The following APOBEC1 variants were observed in gnomAD, a reference collection of about 807,000 sequenced individuals.
APOBEC1 encodes apolipoprotein B mRNA editing enzyme catalytic subunit 1, also known as C->U-editing enzyme APOBEC-1.
Under a neutral mutation model 26.3 loss-of-function variants are expected in APOBEC1, and 22 were observed. That is an observed-to-expected ratio of 0.84 (90% CI 0.60 to 1.19). The LOEUF (loss-of-function observed/expected upper bound fraction) is 1.19. Ranked by LOEUF, APOBEC1 falls within the 50% of genes most tolerant of loss-of-function variation. The pLI is 0.00. For missense variants in APOBEC1, 253 were observed against 289.0 expected (o/e 0.88, Z 0.90); for synonymous variants, 77 against 95.3 (o/e 0.81, Z 1.12).
chr12:7,662,349 A>C (rs867004293), intron 1 of APOBEC1, among the ~76,000 whole-genome samples: 6 of 152,154 alleles, frequency 3.9e-5, no homozygotes, highest in African/African-American at 1.4e-4. Context: ...TTGGGAGGCC[A>C]AGGCGGGTGG....
At chr12:7,662,895 G>A (rs1425754409) in intron 1 of APOBEC1, among the ~76,000 whole-genome samples, 1 of 152,144 alleles carries the variant, frequency 6.6e-6, no homozygotes, top group Non-Finnish European at 1.5e-5. Context: ...GCAATGGAGG[G>A]GGTAAGCCAC....
chr12:7,665,035 C>T (rs1012054372), intron 1 of APOBEC1, among the ~76,000 whole-genome samples: 4 of 152,252 alleles, frequency 2.6e-5, no homozygotes, highest in East Asian at 1.9e-4. Context: ...TGAACCCACC[C>T]GCTAGTCTCT....
chr12:7,664,608 T>G (rs1863866437), intron 1 of APOBEC1, among the ~76,000 whole-genome samples: 1 of 152,216 alleles, frequency 6.6e-6, no homozygotes, highest in African/African-American at 2.4e-5. Flanking sequence ...CTCCTCTTCT[T>G]TGTCGATCCA....
intron 1 of APOBEC1, among the ~76,000 whole-genome samples, chr12:7,663,219 G>T (rs1863844891): frequency 6.6e-6 from 1 of 152,172 alleles, no homozygotes; most frequent in Non-Finnish European, 1.5e-5. Flanking sequence ...CCTAGGCTGT[G>T]TGTGTACCTG....
chr12:7,651,664 A>G (rs912418024), intron 3 of APOBEC1, among the ~76,000 whole-genome samples: 139 of 151,264 alleles, frequency 9.2e-4, no homozygotes, highest in Non-Finnish European at 1.3e-3. Context: ...GTTTTTTGAT[A>G]CAGGGTTTCG....
intron 1 of APOBEC1, among the ~76,000 whole-genome samples, chr12:7,657,577 T>TTA (rs1555094304): frequency 1.3e-5 from 2 of 150,220 alleles, no homozygotes; most frequent in African/African-American, 2.4e-5. Context: ...AAAACAAAAT[T>TTA]AAAAAACAAA....
At chr12:7,666,043 T>C, upstream of APOBEC1, 2 of 733,492 alleles carry the variant, frequency 2.7e-6, no homozygotes, top group South Asian at 1.5e-5. Context: ...GGGGGCCGAC[T>C]GAGAGGGACA....
At chr12:7,661,421 A>G (rs1159946817) in intron 1 of APOBEC1, among the ~76,000 whole-genome samples, 1 of 152,122 alleles carries the variant, frequency 6.6e-6, no homozygotes, top group African/African-American at 2.4e-5. Flanking sequence ...AATAAAAATT[A>G]TAATTAAAAA....
chr12:7,665,099 G>A (rs1278638073), intron 1 of APOBEC1, among the ~76,000 whole-genome samples: 1 of 152,082 alleles, frequency 6.6e-6, no homozygotes, highest in African/African-American at 2.4e-5. Flanking sequence ...TTAGAATCCA[G>A]CTCAAATCCT....
At position 7,657,043 on chromosome 12, in the gene APOBEC1, CGTGTGTGTGTGTGT is replaced by C. The variant is rs6144603; in HGVS notation, c.17-2425_17-2412del. Among the ~76,000 whole-genome samples the C allele has an allele frequency of 6.5e-3, 962 of 148,390 alleles. 5 individuals are homozygous for C. The highest frequency in any genetic ancestry group is 0.017 in the South Asian group (79 of 4,632). Reference sequence around the variant, plus strand: ...TTGGTGTCCTAGTGTGTTGTATATACGTGTGTGTGTGTGTGTGTGTGTGTGTGTGTGTGTGTGTA... The same window carrying C: ...TTGGTGTCCTAGTGTGTTGTATATACGTGTGTGTGTGTGTGTGTGTGTGTA... On this transcript the variant is annotated intron_variant, in intron 1 of 4. Transcript: ENST00000229304.
rs751682249 is a variant in APOBEC1, at chr12:7,661,277, G to A, written c.16+4580C>T. ...TCCAAAAGGACTGAGGGAGGGAGAG[G>A]GGAAAGAGCTGAAAAACTTCCCATT... On this transcript the variant is annotated intron_variant, in intron 1 of 4. Coordinates refer to ENST00000229304, the MANE Select transcript of APOBEC1 (RefSeq NM_001644.5). Among the ~76,000 whole-genome samples the A allele has an allele frequency of 2.0e-5, 3 of 151,354 alleles. No homozygotes were observed. The South Asian group carries it at 6.3e-4, about 32-fold the overall frequency.
chr12:7,660,399 A>AGAAC lies in APOBEC1; in HGVS notation c.16+5457_16+5458insGTTC, dbSNP rs1565442478. ...AGGAAAGAAAGAAAGAAAGAAAGAA[A>AGAAC]GAAAGAAAGAAAGAGAGGGTATTTG... On this transcript the variant is annotated intron_variant, in intron 1 of 4. Coordinates refer to ENST00000229304, the MANE Select transcript of APOBEC1 (RefSeq NM_001644.5). 4.6e-4 allele frequency among the ~76,000 whole-genome samples: 50 copies of AGAAC among 107,660 alleles called. 1 individual carries two copies. The highest frequency in any genetic ancestry group is 1.7e-3 in the African/African-American group (49 of 28,114). The allele number at this position is 107,660 out of a possible 152,430, so 70.6% of individuals were successfully genotyped here.
In APOBEC1 at chr12:7,654,276, C is replaced by T. The variant is rs184418061; in HGVS notation, c.44+329G>A. Among the ~76,000 whole-genome samples, 9 of 151,268 alleles carry T rather than the reference C, an allele frequency of 5.9e-5. No homozygotes were observed. In the East Asian group the frequency reaches 1.2e-3, roughly 20 times the overall value. The stretch of plus-strand genomic sequence containing the variant: ...AGAGCAAAGATATAAAAAACAATAA[C>T]CATAGAAAATGAAACTGGAAAAGGC... On this transcript the variant is annotated intron_variant, in intron 2 of 4. Coordinates refer to ENST00000229304, the MANE Select transcript of APOBEC1 (RefSeq NM_001644.5).
At chr12:7,664,222 G>A (rs1863861716) in intron 1 of APOBEC1, among the ~76,000 whole-genome samples, 1 of 152,066 alleles carries the variant, frequency 6.6e-6, no homozygotes, top group African/African-American at 2.4e-5. Context: ...ACTCCAAACT[G>A]ATATCTATAT....
chr12:7,660,898 A>T (rs1305316944), intron 1 of APOBEC1, among the ~76,000 whole-genome samples: 1 of 151,702 alleles, frequency 6.6e-6, no homozygotes, highest in East Asian at 1.9e-4. Flanking sequence ...ACACATGGAC[A>T]TAAAGACAGG....
intron 1 of APOBEC1, among the ~76,000 whole-genome samples, chr12:7,661,071 T>C (rs1242117401): frequency 6.8e-6 from 1 of 147,992 alleles, no homozygotes; most frequent in African/African-American, 2.5e-5. Flanking sequence ...CCTGGTGTGG[T>C]GGCAGGCACC....
At chr12:7,660,378 A>AGGAAGGAG (rs1257234032) in intron 1 of APOBEC1, among the ~76,000 whole-genome samples, 2 of 100,800 alleles carry the variant, frequency 2.0e-5, no homozygotes, top group African/African-American at 7.8e-5. Context: ...GAAGGAAGGA[A>AGGAAGGAG]AGAAAGAAAG....
At chr12:7,655,375 C>T (rs1210068711) in intron 1 of APOBEC1, among the ~76,000 whole-genome samples, 4 of 149,044 alleles carry the variant, frequency 2.7e-5, no homozygotes, top group Admixed American at 1.3e-4. Context: ...ATTGGCTGGG[C>T]GTGGTGGCGC....
chr12:7,664,606 C>G (rs1863866403), intron 1 of APOBEC1, among the ~76,000 whole-genome samples: 1 of 152,198 alleles, frequency 6.6e-6, no homozygotes, highest in Admixed American at 6.5e-5. Context: ...ATCTCCTCTT[C>G]TTTGTCGATC....
Sources: allele counts gnomAD v4.1 joint callset (sites outside exome capture counted in the v4.1 genomes callset), GRCh38; gene constraint gnomAD v4.1.1; transcripts MANE v1.5; gene names NCBI Gene and HGNC (gene_info 2026-07-23, HGNC 2026-07-21).